The following MYH14 variants were observed in gnomAD, a reference collection of about 807,000 sequenced individuals.
MYH14 encodes myosin heavy chain 14.
A neutral mutation model predicts 255.5 loss-of-function variants in MYH14; 123 were observed. The observed-to-expected ratio is 0.48, with a 90% CI of 0.42 to 0.56. The LOEUF (loss-of-function observed/expected upper bound fraction) is 0.56, where lower values mean the gene tolerates loss of function less well. Among genes scored for constraint, MYH14 ranks in the 20% least tolerant of loss-of-function variants. The pLI is 0.00. For missense variants in MYH14, 2,423 were observed against 2,802.3 expected, an observed-to-expected ratio of 0.86 and a Z score of 3.06; for synonymous variants, 1,095 against 1,161.2, an observed-to-expected ratio of 0.94 and a Z score of 1.16.
chr19:50,301,459 G>C (rs1032636143), intron 39 of MYH14, among the ~76,000 whole-genome samples: 23 of 152,302 alleles, frequency 1.5e-4, no homozygotes, highest in African/African-American at 5.5e-4. Context: ...AAGACCCAGG[G>C]CTGGCAGTGC....
chr19:50,309,421 C>A, intron 42 of MYH14: 1 of 614,656 alleles, frequency 1.6e-6, no homozygotes. Flanking sequence ...CCTTTCTCTC[C>A]TTTCCTCCTC....
At chr19:50,226,126 A>G (rs1432196956) in intron 7 of MYH14, among the ~76,000 whole-genome samples, 25 of 18,094 alleles carry the variant, frequency 1.4e-3, no homozygotes, top group Admixed American at 3.4e-3. Flanking sequence ...GGGGCTGGGG[A>G]CCTGGACCCC....
At chr19:50,232,110 C>T (rs760634436) in intron 10 of MYH14, 40 bp downstream of exon 10, 14 of 1,603,412 alleles carry the variant, frequency 8.7e-6, no homozygotes, top group Non-Finnish European at 1.2e-5. Context: ...GGGGGGAACC[C>T]CACGGAGAGC....
Position 50,309,859 on chromosome 19 carries a change from C to G in MYH14, c.*69C>G. 6.7e-7 allele frequency: 1 copy of G among 1,499,236 alleles called. No individual in the cohort carries two copies. The highest frequency in any genetic ancestry group is 9.1e-7 in the Non-Finnish European group (1 of 1,100,014). The allele number at this position is 1,499,236 out of a possible 1,614,324, so 92.9% of individuals were successfully genotyped here. ...CCTTCCTCCCTGGACCCCACGGGCCCCTGTCCCAGGAACCCCGCCCTCTGA... is the reference window on the plus strand; with the variant it reads ...CCTTCCTCCCTGGACCCCACGGGCCGCTGTCCCAGGAACCCCGCCCTCTGA... On this transcript the variant is annotated 3_prime_UTR_variant, in exon 43 of 43. Transcript: ENST00000642316.
intron 27 of MYH14, among the ~76,000 whole-genome samples, chr19:50,273,793 C>T (rs2035406924): frequency 6.6e-6 from 1 of 152,062 alleles, no homozygotes; most frequent in African/African-American, 2.4e-5. Flanking sequence ...AGGTGCCCGC[C>T]AACAAGCTAA....
At chr19:50,217,510 G>A in intron 2 of MYH14, 105 bp from the exon 3 acceptor site, 2 of 1,236,622 alleles carry the variant, frequency 1.6e-6, no homozygotes, top group Non-Finnish European at 1.2e-6. Context: ...CATACCATGT[G>A]CAGATAGATG....
chr19:50,250,346 C>T lies in MYH14; in HGVS notation c.1657-169C>T, dbSNP rs145569923. On this transcript the variant is annotated intron_variant, in intron 14 of 42. Transcript: ENST00000642316. This position sits in a 1 kb window ranked among gnomAD's most constrained non-coding sequence, Gnocchi z 5.4. ...TCGATCTCCTGACCTCGTGATCTAC[C>T]CGCCTCGGCCTCCCAAAGTGCTGGG... Among the ~76,000 whole-genome samples, 11,047 of 152,200 alleles carry T rather than the reference C, an allele frequency of 0.073. 526 individuals are homozygous for T. The highest frequency in any genetic ancestry group is 0.13 in the Admixed American group (1,955 of 15,290).
At chr19:50,241,724 C>A (rs1053587276) in intron 10 of MYH14, among the ~76,000 whole-genome samples, 4 of 151,784 alleles carry the variant, frequency 2.6e-5, no homozygotes, top group African/African-American at 9.7e-5. Context: ...CTCACTGCAG[C>A]CTCGACTTTC....
At position 50,216,216 on chromosome 19, in the gene MYH14, T is replaced by G. The variant is rs1213837026; in HGVS notation, c.406-1399T>G. ...GAGGCCGGGTGTGAAGGTTCACATC[T>G]CTAATCCCAGCACTTTGGGAGGCCG... On this transcript the variant is annotated intron_variant, in intron 2 of 42. Transcript: ENST00000642316. Among the ~76,000 whole-genome samples, 3 of 152,260 alleles carry G rather than the reference T, an allele frequency of 2.0e-5. No individual in the cohort carries two copies. In the East Asian group the frequency reaches 5.8e-4, roughly 29 times the overall value.
Position 50,275,998 on chromosome 19 carries a change from G to T in MYH14, c.3475G>T (p.Asp1159Tyr), listed in dbSNP as rs370256265. 509 of 1,612,258 alleles carry T rather than the reference G, an allele frequency of 3.2e-4. 2 individuals carry two copies. Among genetic ancestry groups the T allele is most frequent in the Non-Finnish European group, 4.2e-4 (497 of 1,179,348 alleles). Reference protein sequence around the residue: ...ELQAALARAEDEGGARAQLLK... With the variant: ...ELQAALARAEYEGGARAQLLK... The stretch of plus-strand genomic sequence containing the variant: ...GGTTCTTGTCACCCCCAGGGCAGAA[G>T]ACGAGGGTGGGGCCCGGGCCCAGCT... Residue 1159 changes from aspartate to tyrosine, a missense_variant, in exon 28 of 43, where the codon GAC becomes TAC. Coordinates refer to ENST00000642316, the MANE Select transcript of MYH14 (RefSeq NM_001145809.2).
At chr19:50,274,063 A>G (rs936992732) in intron 27 of MYH14, among the ~76,000 whole-genome samples, 5 of 151,894 alleles carry the variant, frequency 3.3e-5, no homozygotes, top group Non-Finnish European at 1.5e-5. Flanking sequence ...TGTAGACAGT[A>G]CTCCTAAGGT....
chr19:50,237,063 C>T (rs1466075656), intron 10 of MYH14, among the ~76,000 whole-genome samples: 1 of 152,174 alleles, frequency 6.6e-6, no homozygotes, highest in Non-Finnish European at 1.5e-5. Context: ...TCCTTTGTGA[C>T]TGGCTGCTTT....
chr19:50,250,748 C>T lies in MYH14; in HGVS notation c.1830+60C>T. The T allele has an allele frequency of 1.3e-6, 2 of 1,533,366 alleles. No individual in the cohort carries two copies. The highest frequency in any genetic ancestry group is 1.8e-6 in the Non-Finnish European group (2 of 1,123,308). 95.0% of individuals were successfully genotyped at this position (1,533,366 alleles called of 1,614,324 possible). Reference sequence around the variant, plus strand: ...GTGGGGATCAAGGGATCTCCACTGGCTACAGATGGGGGGAGGGTGCAGAGG... The same window carrying T: ...GTGGGGATCAAGGGATCTCCACTGGTTACAGATGGGGGGAGGGTGCAGAGG... On this transcript the variant is annotated intron_variant, in intron 15 of 42. Coordinates refer to ENST00000642316, the MANE Select transcript of MYH14 (RefSeq NM_001145809.2). The surrounding 1 kb of genome is among the most constrained non-coding windows in gnomAD (Gnocchi z 5.4).
At position 50,272,132 on chromosome 19, in the gene MYH14, T is replaced by C. The variant is rs77185671; in HGVS notation, c.3295+160T>C. 0.019 allele frequency among the ~76,000 whole-genome samples: 2,933 copies of C among 152,270 alleles called. 90 individuals are homozygous for C. Among genetic ancestry groups the C allele is most frequent in the African/African-American group, 0.065 (2,687 of 41,528 alleles). ...GTCCTCCCAGCTCTTGAGTTCTTAA[T>C]GCATCTCTAAATCCAACTCTCTTTC... On this transcript the variant is annotated intron_variant, in intron 26 of 42. Transcript: ENST00000642316.
chr19:50,290,825 A>G, intron 35 of MYH14, 62 bp from the exon 36 acceptor site: 1 of 1,502,622 alleles, frequency 6.7e-7, no homozygotes, highest in Non-Finnish European at 9.0e-7. Flanking sequence ...CCATGTCCCT[A>G]GCACACAGAG....
Position 50,261,625 on chromosome 19 carries a change from C to G in MYH14, c.2575C>G (p.Leu859Val). The change falls in exon 21 of 43, where the codon CTG becomes GTG. Residue 859 changes from leucine to valine, a missense_variant. Around this residue, in one of 3 missense-constraint regions of MYH14, gnomAD observed 1,513 missense variants for 1,674.8 expected, o/e 0.90. Transcript: ENST00000642316. Reference sequence around the variant, plus strand: ...CTTCCAGGCAGCTGCCCGGGGATACCTGGCTCGCAGGTGGGCAGCCACGCT... The same window carrying G: ...CTTCCAGGCAGCTGCCCGGGGATACGTGGCTCGCAGGTGGGCAGCCACGCT... Reference protein sequence around the residue: ...VSFQAAARGYLARRAFQKRQQ... With the variant: ...VSFQAAARGYVARRAFQKRQQ... 6.3e-7 allele frequency: 1 copy of G among 1,597,148 alleles called. No individual in the cohort carries two copies. Among genetic ancestry groups the G allele is most frequent in the Non-Finnish European group, 8.5e-7 (1 of 1,173,112 alleles).
At chr19:50,229,075 G>A (rs991719661) in intron 8 of MYH14, among the ~76,000 whole-genome samples, 9 of 152,096 alleles carry the variant, frequency 5.9e-5, no homozygotes, top group African/African-American at 1.4e-4. Flanking sequence ...TATCACCCCC[G>A]CTTCACAGAG....
intron 10 of MYH14, among the ~76,000 whole-genome samples, chr19:50,232,607 A>AC (rs1338662814): frequency 4.6e-5 from 7 of 151,220 alleles, no homozygotes; most frequent in African/African-American, 1.7e-4. Flanking sequence ...AAAAAAAAAA[A>AC]AAAAAAAAAC....
Position 50,278,197 on chromosome 19 carries a change from C to A in MYH14, c.3940C>A (p.Arg1314Ser), listed in dbSNP as rs776550700. The change falls in exon 30 of 43, where the codon CGC becomes AGC. Residue 1314 changes from arginine (R) to serine (S), a missense_variant. Arg to Ser is a moderately radical substitution (Grantham distance 110). This residue lies in a region of MYH14 where 1,513 missense variants were observed against 1,674.8 expected (regional missense o/e 0.90). Transcript: ENST00000642316. The part of the protein sequence containing the change: ...ARQEGEQRRR[R>S]LELQLQEVQG... ...TCAGGAGGGTGAGCAGCGGAGGCGC[C>A]GCCTGGAGTTACAGCTGCAGGAGGT... is the stretch of plus-strand genomic sequence containing the variant. The A allele has an allele frequency of 6.2e-7, 1 of 1,610,216 alleles. No homozygotes were observed. Among genetic ancestry groups the A allele is most frequent in the East Asian group, 2.2e-5 (1 of 44,770 alleles).
Sources: gnomAD v4.1 joint callset for allele counts (sites outside exome capture counted in the v4.1 genomes callset) on GRCh38, gnomAD v4.1.1 for gene constraint, gnomAD v4.1.1 regional missense constraint, Gnocchi (gnomAD v3.1) non-coding constraint, MANE v1.5 for transcripts, NCBI Gene and HGNC (gene_info 2026-07-23, HGNC 2026-07-21) for gene names.